Variants in COL17A1 observed in about 807,000 individuals in gnomAD.
COL17A1 encodes the protein collagen alpha-1(XVII) chain.
COL17A1 carries 181 observed loss-of-function variants against 218.4 expected under a neutral mutation model. The ratio of observed to expected loss-of-function variants is 0.83; its 90% CI spans 0.73 to 0.94. The LOEUF is 0.94. COL17A1 is among the 40% of genes least tolerant of loss of function. The pLI, the probability that COL17A1 is intolerant of heterozygous loss-of-function variation, is 0.00. For synonymous variants in COL17A1, 721 were observed against 731.0 expected (o/e 0.99, Z 0.22); for missense variants, 1,924 against 1,945.9 (o/e 0.99, Z 0.21).
intron 46 of COL17A1, 110 bp downstream of exon 46, chr10:104,037,526 A>T (rs1168971351): frequency 2.2e-6 from 3 of 1,363,876 alleles, no homozygotes; most frequent in Non-Finnish European, 3.1e-6. Context: ...ATTAAAACTC[A>T]TGTTCCAGAG....
intron 9 of COL17A1, among the ~76,000 whole-genome samples, chr10:104,067,607 A>G (rs1227105541): frequency 6.6e-6 from 1 of 152,216 alleles, no homozygotes; most frequent in Non-Finnish European, 1.5e-5. Context: ...GCTGGTGCTC[A>G]GAGAGAGAAA....
At chr10:104,078,087 C>T (rs932801878) in intron 3 of COL17A1, among the ~76,000 whole-genome samples, 3 of 152,036 alleles carry the variant, frequency 2.0e-5, no homozygotes, top group Non-Finnish European at 2.9e-5. Context: ...GGGCTCAGAT[C>T]AATATTACAG....
intron 27 of COL17A1, 113 bp downstream of exon 27, chr10:104,050,507 AT>A: frequency 6.4e-7 from 1 of 1,562,816 alleles, no homozygotes; most frequent in Non-Finnish European, 8.8e-7. Context: ...TTGGATTAGA[AT>A]GAGATCTTGG....
At chr10:104,040,558 ATGGGCGGG>A (rs1278685478) in intron 39 of COL17A1, 148 bp from the exon 40 acceptor site, 2 of 389,052 alleles carry the variant, frequency 5.1e-6, no homozygotes, top group African/African-American at 2.2e-5. Flanking sequence ...GGGTGGATGA[ATGGGCGGG>A]TGGGTGGATG....
intron 1 of COL17A1, among the ~76,000 whole-genome samples, chr10:104,084,551 G>T (rs2086791088): frequency 6.6e-6 from 1 of 152,140 alleles, no homozygotes; most frequent in Non-Finnish European, 1.5e-5. Context: ...ACACCACTAT[G>T]CTTGGCTAAT....
intron 17 of COL17A1, 114 bp downstream of exon 17, chr10:104,056,861 G>C: frequency 6.5e-7 from 1 of 1,535,708 alleles, no homozygotes; most frequent in Non-Finnish European, 8.7e-7. Flanking sequence ...AATGCATTCA[G>C]GTCCCCTCGC....
chr10:104,079,483 T>C (rs1279625568), intron 2 of COL17A1, among the ~76,000 whole-genome samples: 1 of 152,198 alleles, frequency 6.6e-6, no homozygotes, highest in Non-Finnish European at 1.5e-5. Context: ...GATCATTTTG[T>C]GCTACTTTCA....
chr10:104,049,123 A>G lies in COL17A1; in HGVS notation c.2227+286T>C, dbSNP rs73329735. Among the ~76,000 whole-genome samples the G allele has an allele frequency of 2.2e-3, 338 of 152,232 alleles. 1 individual carries two copies. The highest frequency in any genetic ancestry group is 7.2e-3 in the African/African-American group (299 of 41,532). ...ACACTTGAGGCTCCTAAGGACTTCA[A>G]CACTGTCTTCCCCAGGGGAGTGGGG... On this transcript the variant is annotated intron_variant, in intron 29 of 55. Transcript: ENST00000648076.
At chr10:104,060,097 A>G (rs113166552) in intron 14 of COL17A1, 22 bp downstream of exon 14, 1 of 1,613,762 alleles carries the variant, frequency 6.2e-7, no homozygotes, top group Non-Finnish European at 8.5e-7. Context: ...CTGAAACCCA[A>G]GCCACACAGG....
intron 9 of COL17A1, among the ~76,000 whole-genome samples, chr10:104,069,391 T>G (rs2086651930): frequency 1.3e-5 from 2 of 152,226 alleles, no homozygotes. Context: ...AGGGGAATTA[T>G]GGAAAGTTTA....
chr10:104,039,701 G>A (rs892617839), intron 41 of COL17A1, 61 bp from the exon 42 acceptor site: 2 of 1,611,372 alleles, frequency 1.2e-6, no homozygotes, highest in African/African-American at 2.7e-5. Context: ...TAACAGCCCT[G>A]TAGAGCCTCC....
At position 104,040,381 on chromosome 10, in the gene COL17A1, G is replaced by C; in HGVS notation, c.2731C>G (p.Pro911Ala). The C allele has an allele frequency of 6.2e-7, 1 of 1,611,382 alleles. No homozygotes were observed. Among genetic ancestry groups the C allele is most frequent in the Non-Finnish European group, 8.5e-7 (1 of 1,177,624 alleles). ...TCTCCCTTGGGACCTGGGGGGCCAGGTGGGCCTGGGGGGCCGGAGAGGAAG... is the reference window on the plus strand; with the variant it reads ...TCTCCCTTGGGACCTGGGGGGCCAGCTGGGCCTGGGGGGCCGGAGAGGAAG... ...ETFLSGPPGP[P>A]GPPGPKGDQG... Residue 911 changes from proline (P) to alanine (A), a missense_variant, in exon 40 of 56, where the codon CCT becomes GCT. Transcript: ENST00000648076.
intron 10 of COL17A1, 109 bp downstream of exon 10, chr10:104,064,329 C>T: frequency 6.4e-7 from 1 of 1,564,522 alleles, no homozygotes; most frequent in Non-Finnish European, 8.7e-7. Flanking sequence ...CACAGAAAGC[C>T]TCTCCAGGAG....
At position 104,034,756 on chromosome 10, in the gene COL17A1, A is replaced by T; in HGVS notation, c.3631T>A (p.Ser1211Thr). The change falls in exon 51 of 56, where the codon TCA becomes ACA. Residue 1211 changes from serine (S) to threonine (T), a missense_variant. Physicochemically the swap from Ser to Thr is moderately conservative, Grantham distance 58. Coordinates refer to ENST00000648076, the MANE Select transcript of COL17A1 (RefSeq NM_000494.4). ...GGTCCTGGAGGGCCTGGGATGAATG[A>T]CAAGCCGGCAGCTGGGCAGAAGGAA... is the stretch of plus-strand genomic sequence containing the variant. ...LSSYLHTAGL[S>T]FIPGPPGPPG... The T allele has an allele frequency of 6.2e-7, 1 of 1,612,470 alleles. No individual in the cohort carries two copies. The highest frequency in any genetic ancestry group is 8.5e-7 in the Non-Finnish European group (1 of 1,179,694).
At chr10:104,062,811 C>T (rs987217494) in intron 11 of COL17A1, among the ~76,000 whole-genome samples, 1 of 152,170 alleles carries the variant, frequency 6.6e-6, no homozygotes, top group East Asian at 1.9e-4. Context: ...ACTCCCCCAC[C>T]TCCACTATGG....
At chr10:104,074,634 G>T (rs762369273) in intron 5 of COL17A1, among the ~76,000 whole-genome samples, 11 of 152,256 alleles carry the variant, frequency 7.2e-5, no homozygotes, top group African/African-American at 2.6e-4. Flanking sequence ...TGTCCCAAAC[G>T]TGGACCCAGT....
At chr10:104,055,177 G>T (rs535154839) in intron 19 of COL17A1, 170 bp from the exon 20 acceptor site, 11 of 1,446,296 alleles carry the variant, frequency 7.6e-6, no homozygotes, top group Non-Finnish European at 1.0e-5. Context: ...CTCATTGCTG[G>T]GCTTCTCTTA....
chr10:104,032,169 G>A lies in COL17A1; in HGVS notation c.*66C>T. ...CAGACTCCAGCTTTCACCCTCTGGA[G>A]ACCTTGGACCTAAGTGCCACATGCA... On this transcript the variant is annotated 3_prime_UTR_variant, in exon 56 of 56. Coordinates refer to ENST00000648076, the MANE Select transcript of COL17A1 (RefSeq NM_000494.4). 7.7e-7 allele frequency: 1 copy of A among 1,291,086 alleles called. No homozygotes were observed. Among genetic ancestry groups the A allele is most frequent in the South Asian group, 1.2e-5 (1 of 84,150 alleles). 80.0% of individuals were successfully genotyped at this position (1,291,086 alleles called of 1,614,324 possible).
intron 9 of COL17A1, among the ~76,000 whole-genome samples, chr10:104,068,660 A>T (rs544414012): frequency 2.0e-5 from 3 of 152,342 alleles, no homozygotes; most frequent in African/African-American, 7.2e-5. Flanking sequence ...AAGAATTTGT[A>T]CATGGGGAAC....
Sources: allele counts gnomAD v4.1 joint callset (sites outside exome capture counted in the v4.1 genomes callset), GRCh38; gene constraint gnomAD v4.1.1; transcripts MANE v1.5; gene names NCBI Gene and HGNC (gene_info 2026-07-23, HGNC 2026-07-21).